The following ANKS1B variants were observed in gnomAD, a reference collection of about 807,000 sequenced individuals.
ANKS1B encodes the protein ankyrin repeat and sterile alpha motif domain containing 1B.
Under a neutral mutation model 148.3 loss-of-function variants are expected in ANKS1B, and 36 were observed. The ratio of observed to expected loss-of-function variants is 0.24; its 90% CI spans 0.19 to 0.32. The LOEUF is 0.32. Among genes scored for constraint, ANKS1B ranks in the 10% least tolerant of loss-of-function variants. The probability of loss-of-function intolerance (pLI) is 1.00; values close to 1 mark genes in which losing one functional copy is unlikely to be tolerated. For synonymous variants in ANKS1B, 542 were observed against 560.8 expected (o/e 0.97, Z 0.47); for missense variants, 1,157 against 1,542.6 (o/e 0.75, Z 4.19).
At chr12:99,767,093 C>A (rs750899033) in intron 8 of ANKS1B, among the ~76,000 whole-genome samples, 5 of 151,896 alleles carry the variant, frequency 3.3e-5, no homozygotes, top group African/African-American at 4.8e-5. Context: ...AATAGCTTGG[C>A]ATTAAAAAAA....
intron 17 of ANKS1B, among the ~76,000 whole-genome samples, chr12:98,979,306 C>T (rs1375169322): frequency 1.3e-5 from 2 of 151,022 alleles, no homozygotes; most frequent in East Asian, 2.0e-4. Context: ...CTCGCTCTGT[C>T]GCCCAGGCTG....
At chr12:99,614,977 G>T (rs1450812133) in intron 9 of ANKS1B, among the ~76,000 whole-genome samples, 1 of 150,832 alleles carries the variant, frequency 6.6e-6, no homozygotes, top group African/African-American at 2.4e-5. Flanking sequence ...TCCAATGAAA[G>T]GGGAGAACTT....
At chr12:98,816,663 T>G (rs2099143722) in intron 19 of ANKS1B, among the ~76,000 whole-genome samples, 1 of 152,238 alleles carries the variant, frequency 6.6e-6, no homozygotes, top group Admixed American at 6.5e-5. Context: ...CTGACATTCA[T>G]GCAAAAGTAG....
chr12:99,440,652 C>T (rs1188922025), intron 11 of ANKS1B, among the ~76,000 whole-genome samples: 5 of 151,768 alleles, frequency 3.3e-5, no homozygotes, highest in Admixed American at 6.6e-5. Context: ...AATGCATATG[C>T]TGAATAAAAA....
chr12:99,117,461 G>T (rs1032159076), intron 15 of ANKS1B, among the ~76,000 whole-genome samples: 6 of 152,126 alleles, frequency 3.9e-5, no homozygotes, highest in Non-Finnish European at 8.8e-5. Flanking sequence ...TAATCATATG[G>T]TTTTTGTCAT....
At chr12:98,942,489 G>A (rs187833554) in intron 17 of ANKS1B, among the ~76,000 whole-genome samples, 3 of 152,184 alleles carry the variant, frequency 2.0e-5, no homozygotes, top group African/African-American at 7.2e-5. Context: ...GAAATCCCTC[G>A]CTTCAGCTAC....
intron 12 of ANKS1B, among the ~76,000 whole-genome samples, chr12:99,262,646 A>C (rs540180056): frequency 4.4e-4 from 67 of 152,102 alleles, no homozygotes; most frequent in Non-Finnish European, 6.6e-4. Flanking sequence ...TCCCCCAATG[A>C]AAATAAGATC....
chr12:99,533,839 T>C (rs2097030200), intron 9 of ANKS1B, among the ~76,000 whole-genome samples: 1 of 152,148 alleles, frequency 6.6e-6, no homozygotes, highest in Non-Finnish European at 1.5e-5. Flanking sequence ...TTTCAAAATA[T>C]TGAATTATTT....
At chr12:99,584,512 G>C (rs2097606080) in intron 9 of ANKS1B, among the ~76,000 whole-genome samples, 1 of 152,084 alleles carries the variant, frequency 6.6e-6, no homozygotes, top group South Asian at 2.1e-4. Context: ...TTAAAGGATT[G>C]TTTGAGCCCA....
intron 16 of ANKS1B, among the ~76,000 whole-genome samples, chr12:99,053,640 C>T (rs2099967660): frequency 6.6e-6 from 1 of 152,160 alleles, no homozygotes; most frequent in South Asian, 2.1e-4. Context: ...AGTTGAATGG[C>T]ATTAAATTCG....
intron 15 of ANKS1B, among the ~76,000 whole-genome samples, chr12:99,112,837 C>A (rs1303755335): frequency 6.6e-6 from 1 of 152,174 alleles, no homozygotes; most frequent in Non-Finnish European, 1.5e-5. Context: ...TTGCTTTATT[C>A]TTTCATTGTT....
chr12:99,829,221 T>G (rs2083597324), intron 1 of ANKS1B, among the ~76,000 whole-genome samples: 1 of 151,032 alleles, frequency 6.6e-6, no homozygotes, highest in Non-Finnish European at 1.5e-5. Flanking sequence ...CCAAATAAAA[T>G]GTACATGGGC....
Position 99,928,737 on chromosome 12 carries a change from A to G in ANKS1B, c.134+55367T>C, listed in dbSNP as rs576209121. On this transcript the variant is annotated intron_variant, in intron 1 of 26. Transcript: ENST00000683438. Reference sequence around the variant, plus strand: ...GAATATAAAAAGCTAACACACATATACACTTCAAAAACAAACTTGATGAGA... The same window carrying G: ...GAATATAAAAAGCTAACACACATATGCACTTCAAAAACAAACTTGATGAGA... Among the ~76,000 whole-genome samples the G allele has an allele frequency of 8.5e-5, 13 of 152,362 alleles. No individual in the cohort carries two copies. The South Asian group carries it at 2.7e-3, about 32-fold the overall frequency.
intron 16 of ANKS1B, among the ~76,000 whole-genome samples, chr12:99,060,366 A>C (rs2041987825): frequency 6.6e-6 from 1 of 151,994 alleles, no homozygotes; most frequent in Admixed American, 6.6e-5. Context: ...TCTGGGTTTG[A>C]GGGGGTCAGC....
At chr12:99,947,768 G>A (rs1479865172) in intron 1 of ANKS1B, among the ~76,000 whole-genome samples, 1 of 152,048 alleles carries the variant, frequency 6.6e-6, no homozygotes, top group Admixed American at 6.6e-5. Flanking sequence ...AAGACCTCCG[G>A]GCATATTCAG....
chr12:98,818,171 C>CCCCT (rs1555362346), intron 19 of ANKS1B, among the ~76,000 whole-genome samples: 1 of 129,100 alleles, frequency 7.7e-6, no homozygotes, highest in Admixed American at 8.0e-5. Flanking sequence ...CTCCCTCCCT[C>CCCCT]CCTTCCTTCC....
rs941496810 is a variant in ANKS1B at position 99,722,541 on chromosome 12, TAA to T, written c.1128+50379_1128+50380del. Among the ~76,000 whole-genome samples, 98 of 152,260 alleles carry T rather than the reference TAA, an allele frequency of 6.4e-4. 1 individual carries two copies. The highest frequency in any genetic ancestry group is 2.3e-3 in the African/African-American group (95 of 41,542). On this transcript the variant is annotated intron_variant, in intron 8 of 26. Transcript: ENST00000683438. ...AAGCCCACTGTTGAGACCTACTGCTTAAAAAAAGATTCCTTTCAAATTATTAT... is the reference window on the plus strand; with the variant it reads ...AAGCCCACTGTTGAGACCTACTGCTTAAAAAGATTCCTTTCAAATTATTAT...
At chr12:98,849,988 C>G (rs2099513052) in intron 17 of ANKS1B, among the ~76,000 whole-genome samples, 2 of 152,186 alleles carry the variant, frequency 1.3e-5, no homozygotes, top group Non-Finnish European at 2.9e-5. Context: ...GCTGGAGGAT[C>G]TAAATTGATC....
At chr12:98,982,303 T>TA (rs11369285) in intron 17 of ANKS1B, among the ~76,000 whole-genome samples, 27,991 of 147,824 alleles carry the variant, frequency 0.19, 2,675 homozygotes, top group Non-Finnish European at 0.22. Flanking sequence ...TCTGTAGTTC[T>TA]AAAAAAAAAA....
Sources: gnomAD v4.1 joint callset for allele counts (sites outside exome capture counted in the v4.1 genomes callset) on GRCh38, gnomAD v4.1.1 for gene constraint, MANE v1.5 for transcripts, NCBI Gene and HGNC (gene_info 2026-07-23, HGNC 2026-07-21) for gene names.